Variants in SLC15A5 observed in about 807,000 individuals in gnomAD.
SLC15A5 encodes the protein solute carrier family 15 member 5.
SLC15A5 carries 58 observed loss-of-function variants against 56.1 expected under a neutral mutation model. The observed-to-expected ratio is 1.03, with a 90% confidence interval of 0.84 to 1.29. The LOEUF is 1.29. Among genes scored for constraint, SLC15A5 ranks in the 50% most tolerant of loss-of-function variants. SLC15A5 has a pLI of 0.00. For synonymous variants in SLC15A5, 264 were observed against 250.5 expected, an observed-to-expected ratio of 1.05 and a Z score of -0.51; for missense variants, 681 against 672.1, an observed-to-expected ratio of 1.01 and a Z score of -0.15.
chr12:16,250,152 G>T (rs1864505736), intron 3 of SLC15A5, among the ~76,000 whole-genome samples: 2 of 152,016 alleles, frequency 1.3e-5, no homozygotes, highest in South Asian at 4.1e-4. Context: ...GACATCTTGA[G>T]CAAGTCATTT....
intron 7 of SLC15A5, among the ~76,000 whole-genome samples, chr12:16,216,354 T>G (rs1350487110): frequency 6.6e-6 from 1 of 152,196 alleles, no homozygotes; most frequent in African/African-American, 2.4e-5. Flanking sequence ...AATATTTGCT[T>G]TAGTAGGTAC....
chr12:16,214,942 C>T (rs61915926), intron 7 of SLC15A5, among the ~76,000 whole-genome samples: 4,537 of 151,912 alleles, frequency 0.03, 85 homozygotes, highest in Admixed American at 0.04. Context: ...CGGTGGCTCA[C>T]GCCTGTAATC....
intron 7 of SLC15A5, among the ~76,000 whole-genome samples, chr12:16,215,135 G>A (rs146350222): frequency 0.044 from 6,569 of 150,586 alleles, 201 homozygotes; most frequent in African/African-American, 0.07. Flanking sequence ...CTTGGGAGGC[G>A]GAGGTTGCAG....
At chr12:16,236,375 C>G (rs1369728732) in intron 5 of SLC15A5, among the ~76,000 whole-genome samples, 1 of 152,044 alleles carries the variant, frequency 6.6e-6, no homozygotes, top group African/African-American at 2.4e-5. Context: ...GAAAATGCAG[C>G]CCTTGATAAA....
rs1338374468 is a variant in SLC15A5 at position 16,243,174 on chromosome 12, C to T, written c.975+1406G>A. On this transcript the variant is annotated intron_variant, in intron 4 of 8. Transcript: ENST00000344941. This position sits in a 1 kb window ranked among gnomAD's most constrained non-coding sequence, Gnocchi z 4.4. ...TCTGATAAAACTTCATTTATGGACG[C>T]TAAAATTTAAATTTTATATATTTTT... Among the ~76,000 whole-genome samples the T allele has an allele frequency of 6.6e-6, 1 of 150,968 alleles. No homozygotes were observed. The highest frequency in any genetic ancestry group is 1.5e-5 in the Non-Finnish European group (1 of 67,890).
intron 7 of SLC15A5, among the ~76,000 whole-genome samples, chr12:16,209,410 A>T (rs1421808089): frequency 6.6e-6 from 1 of 151,926 alleles, no homozygotes. Flanking sequence ...CATTCTTAAT[A>T]CTCACACTAT....
At chr12:16,244,298 T>TA (rs369703999) in intron 4 of SLC15A5, among the ~76,000 whole-genome samples, 4 of 152,200 alleles carry the variant, frequency 2.6e-5, no homozygotes, top group Admixed American at 2.0e-4. Context: ...GCACTGCTCT[T>TA]ACGCCTTACG....
intron 5 of SLC15A5, 121 bp downstream of exon 5, chr12:16,239,560 T>A (rs771569798): frequency 1.1e-4 from 108 of 973,864 alleles, no homozygotes; most frequent in Non-Finnish European, 1.5e-4. Context: ...CAAATTCACC[T>A]GTTTTCCATA....
At chr12:16,249,927 G>A (rs1337441242) in intron 3 of SLC15A5, among the ~76,000 whole-genome samples, 1 of 151,786 alleles carries the variant, frequency 6.6e-6, no homozygotes, top group Non-Finnish European at 1.5e-5. Flanking sequence ...TTTGCTATTG[G>A]GGACTTTTTG....
intron 5 of SLC15A5, among the ~76,000 whole-genome samples, chr12:16,231,358 C>T (rs1864296225): frequency 6.6e-6 from 1 of 151,860 alleles, no homozygotes; most frequent in African/African-American, 2.4e-5. Flanking sequence ...AAAGAGAAAA[C>T]AATGGTGGAC....
intron 7 of SLC15A5, among the ~76,000 whole-genome samples, chr12:16,199,449 A>C (rs1433404631): frequency 6.6e-6 from 1 of 152,096 alleles, no homozygotes; most frequent in Non-Finnish European, 1.5e-5. Context: ...GTTCTAGAGA[A>C]AATAGTAATA....
chr12:16,252,246 G>A (rs1466178806), intron 3 of SLC15A5, among the ~76,000 whole-genome samples: 2 of 151,930 alleles, frequency 1.3e-5, no homozygotes, highest in African/African-American at 4.8e-5. Context: ...TCTAAGATTA[G>A]GAACAAGGCA....
chr12:16,272,336 A>T (rs1864768417), intron 2 of SLC15A5, among the ~76,000 whole-genome samples: 1 of 152,092 alleles, frequency 6.6e-6, no homozygotes, highest in Admixed American at 6.6e-5. Flanking sequence ...TACCTGGAGG[A>T]TAAATGTGTC....
In SLC15A5 at chr12:16,271,695, G is replaced by T. The variant is rs565411245; in HGVS notation, c.584+866C>A. Reference sequence around the variant, plus strand: ...AAAATGGACAATGTAGCTCACATCTGTTTGACATCCACTGATAGATAACAA... The same window carrying T: ...AAAATGGACAATGTAGCTCACATCTTTTTGACATCCACTGATAGATAACAA... On this transcript the variant is annotated intron_variant, in intron 2 of 8. Coordinates refer to ENST00000344941, the MANE Select transcript of SLC15A5 (RefSeq NM_001170798.1). The surrounding 1 kb of genome is among the most constrained non-coding windows in gnomAD (Gnocchi z 8.0). 1.3e-5 allele frequency among the ~76,000 whole-genome samples: 2 copies of T among 152,138 alleles called. No homozygotes were observed. The highest frequency in any genetic ancestry group is 4.8e-5 in the African/African-American group (2 of 41,452).
At chr12:16,209,411 C>T (rs1486319354) in intron 7 of SLC15A5, among the ~76,000 whole-genome samples, 1 of 152,068 alleles carries the variant, frequency 6.6e-6, no homozygotes, top group Non-Finnish European at 1.5e-5. Flanking sequence ...ATTCTTAATA[C>T]TCACACTATG....
intron 3 of SLC15A5, among the ~76,000 whole-genome samples, chr12:16,247,379 C>T (rs903362569): frequency 2.6e-5 from 4 of 152,134 alleles, no homozygotes; most frequent in African/African-American, 4.8e-5. Flanking sequence ...ATTTATTCCA[C>T]GTACTTACTG....
At chr12:16,272,458 C>G in intron 2 of SLC15A5, 103 bp downstream of exon 2, 1 of 1,046,644 alleles carries the variant, frequency 9.6e-7, no homozygotes, top group Non-Finnish European at 1.4e-6. Flanking sequence ...TCACTTAGCC[C>G]AATTCATCAC....
At position 16,232,052 on chromosome 12, in the gene SLC15A5, T is replaced by C. The variant is rs1317304112; in HGVS notation, c.1163-7450A>G. 4.6e-5 allele frequency among the ~76,000 whole-genome samples: 7 copies of C among 152,232 alleles called. No homozygotes were observed. The East Asian group carries it at 5.8e-4, about 13-fold the overall frequency. ...TGAGTAATACTATTATTTTACAATC[T>C]ATAAGAATAGATATCCCAAGATCAC... is the stretch of plus-strand genomic sequence containing the variant. On this transcript the variant is annotated intron_variant, in intron 5 of 8. Transcript: ENST00000344941.
rs895090727 is a variant in SLC15A5 at position 16,189,660 on chromosome 12, A to G, written c.*8T>C. The G allele has an allele frequency of 3.4e-6, 5 of 1,485,094 alleles. No homozygotes were observed. The African/African-American group carries it at 5.6e-5, about 17-fold the overall frequency. 92.0% of individuals were successfully genotyped at this position (1,485,094 alleles called of 1,614,324 possible). On this transcript the variant is annotated 3_prime_UTR_variant, in exon 9 of 9. Coordinates refer to ENST00000344941, the MANE Select transcript of SLC15A5 (RefSeq NM_001170798.1). ...GTTCTCATAAGACAGGTAGACTCAA[A>G]CACAGTTTCATAGGGCTGTCTCCCA...
Sources: allele counts gnomAD v4.1 joint callset (sites outside exome capture counted in the v4.1 genomes callset), GRCh38; gene constraint gnomAD v4.1.1; non-coding constraint Gnocchi (gnomAD v3.1); transcripts MANE v1.5; gene names NCBI Gene and HGNC (gene_info 2026-07-23, HGNC 2026-07-21).